Variants in FRAS1 observed in about 807,000 individuals in gnomAD.
The protein encoded by FRAS1 is Fraser extracellular matrix complex subunit 1, also known as extracellular matrix organizing protein FRAS1.
In FRAS1, 290 loss-of-function variants were observed where a neutral mutation model predicts 435.2. That is an observed-to-expected ratio of 0.67 (90% CI 0.61 to 0.73). FRAS1 has a LOEUF of 0.73. FRAS1 is among the 30% of genes least tolerant of loss of function. The probability of loss-of-function intolerance (pLI) is 0.00; values close to 1 mark genes in which losing one functional copy is unlikely to be tolerated. For synonymous variants in FRAS1, 1,800 were observed against 1,851.0 expected (o/e 0.97, Z 0.71); for missense variants, 4,860 against 5,001.5 (o/e 0.97, Z 0.85).
intron 49 of FRAS1, among the ~76,000 whole-genome samples, chr4:78,464,862 T>C (rs933490996): frequency 1.3e-5 from 2 of 152,242 alleles, no homozygotes; most frequent in Non-Finnish European, 2.9e-5. Context: ...TGATTTTGTA[T>C]TGATTTACAG....
At chr4:78,286,820 G>T (rs1274359598) in intron 14 of FRAS1, among the ~76,000 whole-genome samples, 1 of 152,086 alleles carries the variant, frequency 6.6e-6, no homozygotes, top group African/African-American at 2.4e-5. Flanking sequence ...AGATCTAGTT[G>T]AAATTCTTAA....
intron 2 of FRAS1, among the ~76,000 whole-genome samples, chr4:78,104,749 G>A (rs1341540612): frequency 6.6e-6 from 1 of 152,178 alleles, no homozygotes; most frequent in Non-Finnish European, 1.5e-5. Flanking sequence ...AGTCATCTTA[G>A]AAGAACTTTC....
Position 78,481,929 on chromosome 4 carries a change from C to T in FRAS1, c.8569C>T (p.Arg2857Trp), listed in dbSNP as rs552527828. Residue 2857 changes from arginine to tryptophan, a missense_variant, in exon 57 of 74, where the codon CGG becomes TGG. Transcript: ENST00000512123. The stretch of plus-strand genomic sequence containing the variant: ...AGGAGTTGACTACGTTCCCAGCTCT[C>T]GGAAGGTGGAATTTGGGCCTGGTGT... ...TPGVDYVPSS[R>W]KVEFGPGVIE... 62 of 1,613,824 alleles carry T rather than the reference C, an allele frequency of 3.8e-5. No homozygotes were observed. The African/African-American group carries it at 5.7e-4, about 15-fold the overall frequency.
At chr4:78,458,057 T>G (rs1578336706) in intron 47 of FRAS1, among the ~76,000 whole-genome samples, 1 of 151,560 alleles carries the variant, frequency 6.6e-6, no homozygotes, top group African/African-American at 2.4e-5. Context: ...GAGAGAGAGG[T>G]CAAAGCGAGA....
intron 19 of FRAS1, among the ~76,000 whole-genome samples, chr4:78,335,671 T>TA (rs1730141685): frequency 6.6e-6 from 1 of 152,192 alleles, no homozygotes; most frequent in Admixed American, 6.5e-5. Flanking sequence ...TTGGCACAGG[T>TA]AACTGTGCAC....
At chr4:78,105,926 C>A (rs373138111) in intron 2 of FRAS1, among the ~76,000 whole-genome samples, 2 of 135,986 alleles carry the variant, frequency 1.5e-5, no homozygotes, top group East Asian at 2.0e-4. Context: ...CAAGGCATTG[C>A]CCCACTTGGG....
intron 50 of FRAS1, among the ~76,000 whole-genome samples, chr4:78,466,814 G>A (rs1375330432): frequency 2.6e-5 from 4 of 151,960 alleles, no homozygotes; most frequent in Non-Finnish European, 5.9e-5. Flanking sequence ...TCTCTAGATT[G>A]TTTTTCTCTT....
chr4:78,255,384 G>C lies in FRAS1; in HGVS notation c.603+9G>C. 1.3e-6 allele frequency: 2 copies of C among 1,585,652 alleles called. No homozygotes were observed. Among genetic ancestry groups the C allele is most frequent in the African/African-American group, 2.7e-5 (2 of 74,588 alleles). On this transcript the variant is annotated intron_variant, in intron 6 of 73. Coordinates refer to ENST00000512123, the MANE Select transcript of FRAS1 (RefSeq NM_025074.7). ...CTCTATTTTGTAACCAGGTAAGGAA[G>C]ACAACCTCAGCATGCAGCCTTCACG...
chr4:78,380,122 A>G (rs1731956669), intron 27 of FRAS1, 126 bp downstream of exon 27: 8 of 1,016,432 alleles, frequency 7.9e-6, no homozygotes, highest in Middle Eastern at 2.2e-4. Flanking sequence ...TCAATACTCC[A>G]CAAGCCCAAA....
chr4:78,504,241 G>A (rs1047378673), intron 61 of FRAS1, among the ~76,000 whole-genome samples: 11 of 152,200 alleles, frequency 7.2e-5, no homozygotes, highest in Non-Finnish European at 1.0e-4. Flanking sequence ...TCTGCTTGCT[G>A]CAGAGCTAAG....
intron 65 of FRAS1, among the ~76,000 whole-genome samples, chr4:78,514,281 A>G (rs1721138351): frequency 6.6e-6 from 1 of 152,264 alleles, no homozygotes; most frequent in Admixed American, 6.5e-5. Flanking sequence ...GCAGAGCTGA[A>G]GGAGCTGACA....
chr4:78,448,061 C>A lies in FRAS1; in HGVS notation c.6019C>A (p.Leu2007Ile). 1 of 1,608,692 alleles carries A rather than the reference C, an allele frequency of 6.2e-7. No individual in the cohort carries two copies. Among genetic ancestry groups the A allele is most frequent in the South Asian group, 1.1e-5 (1 of 89,810 alleles). ...LTKKPDHGHV[L>I]WRQTASEPLE... is the part of the protein sequence containing the mutation. The stretch of plus-strand genomic sequence containing the variant: ...TTTACCTCTTCCCTCAGGTCATGTA[C>A]TCTGGAGGCAAACTGCTTCTGAGCC... Residue 2007 changes from leucine to isoleucine, a missense_variant, in exon 44 of 74, where the codon CTC becomes ATC. Physicochemically the swap from Leu to Ile is conservative, Grantham distance 5. Coordinates refer to ENST00000512123, the MANE Select transcript of FRAS1 (RefSeq NM_025074.7).
chr4:78,242,059 A>G (rs565403099), intron 3 of FRAS1, among the ~76,000 whole-genome samples: 4 of 152,290 alleles, frequency 2.6e-5, no homozygotes, highest in Non-Finnish European at 4.4e-5. Context: ...ATCCAACCAT[A>G]AGAAACTTTT....
intron 2 of FRAS1, among the ~76,000 whole-genome samples, chr4:78,088,410 A>C (rs1262610273): frequency 6.6e-6 from 1 of 151,916 alleles, no homozygotes; most frequent in Non-Finnish European, 1.5e-5. Flanking sequence ...ATGGCCACAA[A>C]AGCCAAAATT....
chr4:78,119,181 T>G (rs767557093), intron 2 of FRAS1, among the ~76,000 whole-genome samples: 20 of 152,204 alleles, frequency 1.3e-4, no homozygotes, highest in South Asian at 2.1e-4. Context: ...ATCACTTCTT[T>G]GGGTTGGGAA....
chr4:78,264,763 ATTATT>A (rs2110151676), intron 6 of FRAS1: 1 of 494,668 alleles, frequency 2.0e-6, no homozygotes, highest in African/African-American at 1.9e-5. Flanking sequence ...ACCAAGAACC[ATTATT>A]ATTGTTATTT....
chr4:78,401,998 G>A (rs1732913323), intron 30 of FRAS1, among the ~76,000 whole-genome samples: 1 of 151,898 alleles, frequency 6.6e-6, no homozygotes, highest in Non-Finnish European at 1.5e-5. Context: ...GAAATAATCT[G>A]TAGTACCATA....
At chr4:78,456,977 G>A (rs1719222223) in intron 47 of FRAS1, among the ~76,000 whole-genome samples, 1 of 152,156 alleles carries the variant, frequency 6.6e-6, no homozygotes, top group South Asian at 2.1e-4. Flanking sequence ...CACCCCACGT[G>A]CTTCATTCAG....
At chr4:78,446,290 G>A in intron 42 of FRAS1, 1 of 1,011,982 alleles carries the variant, frequency 9.9e-7, no homozygotes, top group Non-Finnish European at 1.2e-6. Context: ...GCTGGCACCA[G>A]GGCAGGGAGA....
Sources: allele counts gnomAD v4.1 joint callset (sites outside exome capture counted in the v4.1 genomes callset), GRCh38; gene constraint gnomAD v4.1.1; transcripts MANE v1.5; gene names NCBI Gene and HGNC (gene_info 2026-07-23, HGNC 2026-07-21).